CBL: variants seen among roughly 807,000 people sequenced by gnomAD.
The protein encoded by CBL is E3 ubiquitin-protein ligase CBL.
In CBL, 45 loss-of-function variants were observed where a neutral mutation model predicts 96.9. That is an observed-to-expected ratio of 0.46 (90% CI 0.37 to 0.60). The LOEUF is 0.60. Ranked by LOEUF, CBL falls within the 20% of genes least tolerant of loss-of-function variation. The pLI is 0.00. For missense variants in CBL, 1,024 were observed against 1,143.5 expected (o/e 0.90, Z 1.51); for synonymous variants, 420 against 426.8 (o/e 0.98, Z 0.20).
rs1358704061 is a variant in CBL at position 119,206,544 on chromosome 11, C to T, written c.127C>T (p.Leu43Phe). Reference sequence around the variant, plus strand: ...GCCGCACCACCACCACCACCACCACCTCAGCCCCCACCCGCCGGGGACGGT... The same window carrying T: ...GCCGCACCACCACCACCACCACCACTTCAGCCCCCACCCGCCGGGGACGGT... Reference protein sequence around the residue: ...FQPHHHHHHHLSPHPPGTVDK... With the variant: ...FQPHHHHHHHFSPHPPGTVDK... Residue 43 changes from leucine (L) to phenylalanine (F), a missense_variant, in exon 1 of 16, where the codon CTC (leucine) becomes TTC (phenylalanine). Transcript: ENST00000264033. 18 of 1,551,724 alleles carry T rather than the reference C, an allele frequency of 1.2e-5. No homozygotes were observed. Among genetic ancestry groups the T allele is most frequent in the Non-Finnish European group, 1.6e-5 (18 of 1,147,752 alleles).
At chr11:119,271,620 C>T in intron 2 of CBL, 115 bp from the exon 3 acceptor site, 1 of 910,694 alleles carries the variant, frequency 1.1e-6, no homozygotes, top group African/African-American at 1.7e-5. Context: ...TGAAGAGGTT[C>T]TTTCTAAATG....
intron 2 of CBL, among the ~76,000 whole-genome samples, chr11:119,245,779 C>T (rs1949623302): frequency 6.6e-6 from 1 of 151,800 alleles, no homozygotes; most frequent in Non-Finnish European, 1.5e-5. Flanking sequence ...CAACCTTCTT[C>T]ATAACTGGGA....
intron 2 of CBL, among the ~76,000 whole-genome samples, chr11:119,260,672 C>G (rs768010266): frequency 1.3e-5 from 2 of 152,072 alleles, no homozygotes; most frequent in African/African-American, 2.4e-5. Context: ...CAGTCATACT[C>G]TTGATTTTAC....
At chr11:119,220,842 A>G (rs996413887) in intron 1 of CBL, among the ~76,000 whole-genome samples, 1 of 152,168 alleles carries the variant, frequency 6.6e-6, no homozygotes, top group Non-Finnish European at 1.5e-5. Context: ...GAGAATAATA[A>G]TTACAAGTAA....
chr11:119,243,219 A>G (rs1949600674), intron 2 of CBL, among the ~76,000 whole-genome samples: 1 of 152,190 alleles, frequency 6.6e-6, no homozygotes, highest in Non-Finnish European at 1.5e-5. Flanking sequence ...TGGAAGTTGC[A>G]GTGAGCCGAG....
chr11:119,254,399 A>T (rs1787089338), intron 2 of CBL, among the ~76,000 whole-genome samples: 1 of 152,146 alleles, frequency 6.6e-6, no homozygotes, highest in African/African-American at 2.4e-5. Flanking sequence ...TGTGAACGTC[A>T]TAGAGTGTAC....
chr11:119,301,336 T>C lies in CBL; in HGVS notation c.*1555T>C. On this transcript the variant is annotated 3_prime_UTR_variant, in exon 16 of 16. Transcript: ENST00000264033. Reference sequence around the variant, plus strand: ...TTGGGAGAACTATTAGTCAGTTCTTTTATATGCTGATAAATGATCCCTCGA... The same window carrying C: ...TTGGGAGAACTATTAGTCAGTTCTTCTATATGCTGATAAATGATCCCTCGA... The C allele has an allele frequency of 8.6e-6, 2 of 233,258 alleles. No individual in the cohort carries two copies. The highest frequency in any genetic ancestry group is 1.7e-5 in the Non-Finnish European group (2 of 118,028). The allele number at this position is 233,258 out of a possible 1,614,324, so 14.4% of individuals were successfully genotyped here.
chr11:119,252,829 C>T (rs962975754), intron 2 of CBL, among the ~76,000 whole-genome samples: 1 of 148,892 alleles, frequency 6.7e-6, no homozygotes, highest in Admixed American at 6.8e-5. Context: ...TGCAGTCAGC[C>T]GAGGTCATGC....
rs1950088664 is a variant in CBL, at chr11:119,299,758, TCTC to T, written c.2701_2703del (p.Pro901del). The T allele has an allele frequency of 6.2e-7, 1 of 1,614,178 alleles. No individual in the cohort carries two copies. The highest frequency in any genetic ancestry group is 8.5e-7 in the Non-Finnish European group (1 of 1,180,034). The stretch of plus-strand genomic sequence containing the variant: ...CCTCCGGGAATTTGTTTCCATTTCT[TCTC>T]CTGCCCATGTAGCTACCTAGCACAC... On this transcript the variant is annotated inframe_deletion, in exon 16 of 16. Transcript: ENST00000264033.
chr11:119,270,801 G>T (rs187241866), intron 2 of CBL, among the ~76,000 whole-genome samples: 44 of 152,176 alleles, frequency 2.9e-4, no homozygotes, highest in African/African-American at 1.0e-3. Context: ...GGCTGGTCTT[G>T]AACTCCTGAC....
chr11:119,232,787 T>C (rs1949514269), intron 2 of CBL, 92 bp downstream of exon 2: 2 of 1,242,572 alleles, frequency 1.6e-6, no homozygotes, highest in African/African-American at 1.5e-5. Flanking sequence ...TTTAATTTTA[T>C]GTTAGTAGGA....
Position 119,306,532 on chromosome 11 carries a change from A to T in CBL, c.*6751A>T, listed in dbSNP as rs143161036. ...CCACCTCCATGCTGAGCCCTGAAGC[A>T]GGGTGTCCTGGGTGCCTGTGTGTCA... On this transcript the variant is annotated 3_prime_UTR_variant, in exon 16 of 16. Transcript: ENST00000264033. The T allele has an allele frequency of 1.0e-5, 4 of 396,432 alleles. No homozygotes were observed. The highest frequency in any genetic ancestry group is 8.2e-5 in the African/African-American group (4 of 48,714). The allele number at this position is 396,432 out of a possible 1,614,324, so 24.6% of individuals were successfully genotyped here. A position where few individuals can be genotyped will look rare whatever the true frequency, so the allele number is the denominator to read the frequency against.
intron 1 of CBL, among the ~76,000 whole-genome samples, chr11:119,223,790 C>T (rs1262436890): frequency 6.6e-6 from 1 of 151,920 alleles, no homozygotes; most frequent in East Asian, 1.9e-4. Context: ...CCACACTCAG[C>T]TAATTTTTGT....
chr11:119,249,010 C>T (rs1315124907), intron 2 of CBL, among the ~76,000 whole-genome samples: 1 of 152,198 alleles, frequency 6.6e-6, no homozygotes, highest in African/African-American at 2.4e-5. Context: ...GAAAATGGTA[C>T]AGCCACTGTG....
At chr11:119,212,869 G>A (rs1186230936) in intron 1 of CBL, among the ~76,000 whole-genome samples, 1 of 151,500 alleles carries the variant, frequency 6.6e-6, no homozygotes, top group East Asian at 1.9e-4. Context: ...AATTAGCTGA[G>A]CATGATGGCG....
At chr11:119,276,871 T>C (rs1299757574) in intron 6 of CBL, among the ~76,000 whole-genome samples, 1 of 152,240 alleles carries the variant, frequency 6.6e-6, no homozygotes, top group East Asian at 1.9e-4. Flanking sequence ...AATTTGCATA[T>C]TGTTACATTG....
Position 119,307,373 on chromosome 11 carries a change from G to A in CBL, c.*7592G>A. On this transcript the variant is annotated 3_prime_UTR_variant, in exon 16 of 16. Transcript: ENST00000264033. ...ATAGGATGGACTCTCCTGAGAAGGG[G>A]AGGTTGGTGGCTTTGTCTTTTCTTT... is the stretch of plus-strand genomic sequence containing the variant. 8.6e-6 allele frequency: 2 copies of A among 233,414 alleles called. No homozygotes were observed. Among genetic ancestry groups the A allele is most frequent in the Non-Finnish European group, 1.7e-5 (2 of 117,918 alleles). 14.5% of individuals were successfully genotyped at this position (233,414 alleles called of 1,614,324 possible).
rs2135325773 is a variant in CBL at position 119,304,564 on chromosome 11, C to T, written c.*4783C>T. 4.3e-6 allele frequency: 1 copy of T among 232,682 alleles called. No individual in the cohort carries two copies. Among genetic ancestry groups the T allele is most frequent in the African/African-American group, 2.2e-5 (1 of 45,376 alleles). The allele number at this position is 232,682 out of a possible 1,614,324, so 14.4% of individuals were successfully genotyped here. A position where few individuals can be genotyped will look rare whatever the true frequency, so the allele number is the denominator to read the frequency against. On this transcript the variant is annotated 3_prime_UTR_variant, in exon 16 of 16. Coordinates refer to ENST00000264033, the MANE Select transcript of CBL (RefSeq NM_005188.4). ...TGGCCCCCAAATAGGCACTCTAGTC[C>T]TCAAGTCTACACCACCTTCCAACTC...
chr11:119,284,301 T>C (rs1177891275), intron 9 of CBL, among the ~76,000 whole-genome samples: 1 of 151,356 alleles, frequency 6.6e-6, no homozygotes, highest in Non-Finnish European at 1.5e-5. Flanking sequence ...ACTGCCATCC[T>C]TTTTTTTTAT....
Sources: gnomAD v4.1 joint callset for allele counts (sites outside exome capture counted in the v4.1 genomes callset) on GRCh38, gnomAD v4.1.1 for gene constraint, MANE v1.5 for transcripts, NCBI Gene and HGNC (gene_info 2026-07-23, HGNC 2026-07-21) for gene names.